Variants in SLIT1 observed in about 807,000 individuals in gnomAD.
SLIT1 encodes the protein slit guidance ligand 1, also known as slit homolog 1 protein.
SLIT1 carries 66 observed loss-of-function variants against 186.1 expected under a neutral mutation model. The ratio of observed to expected loss-of-function variants is 0.35; its 90% CI spans 0.29 to 0.44. The LOEUF (loss-of-function observed/expected upper bound fraction) is 0.44, where lower values mean the gene tolerates loss of function less well. Among genes scored for constraint, SLIT1 ranks in the 20% least tolerant of loss-of-function variants. SLIT1 has a pLI of 1.00. For missense variants in SLIT1, 1,638 were observed against 2,037.4 expected, an observed-to-expected ratio of 0.80 and a Z score of 3.77; for synonymous variants, 761 against 833.8, an observed-to-expected ratio of 0.91 and a Z score of 1.50.
At chr10:97,128,946 G>A (rs758307968) in intron 4 of SLIT1, among the ~76,000 whole-genome samples, 21 of 152,042 alleles carry the variant, frequency 1.4e-4, no homozygotes, top group Non-Finnish European at 2.6e-4. Context: ...TCTTAGGAAA[G>A]AAAAGTTAGC....
intron 4 of SLIT1, among the ~76,000 whole-genome samples, chr10:97,097,337 T>G (rs1025649838): frequency 2.6e-5 from 4 of 152,248 alleles, no homozygotes; most frequent in Admixed American, 2.6e-4. Context: ...TCTGGCTCAT[T>G]TGGAAACTTC....
Position 97,014,104 on chromosome 10 carries a change from G to C in SLIT1, c.3024C>G (p.Asp1008Glu). 1 of 1,614,038 alleles carries C rather than the reference G, an allele frequency of 6.2e-7. No homozygotes were observed. Among genetic ancestry groups the C allele is most frequent in the Non-Finnish European group, 8.5e-7 (1 of 1,180,012 alleles). ...EGPTCGVNTD[D>E]CVDHACANGG... Reference sequence around the variant, plus strand: ...CATTGGCACAGGCATGATCCACACAGTCATCTGTGTTCACCCCACAGGTTG... The same window carrying C: ...CATTGGCACAGGCATGATCCACACACTCATCTGTGTTCACCCCACAGGTTG... Residue 1008 changes from aspartate (D) to glutamate (E), a missense_variant, in exon 29 of 37, where the codon GAC becomes GAG. By Grantham distance (45) the Asp-to-Glu change is conservative. Around this residue, in one of 3 missense-constraint regions of SLIT1, gnomAD observed 1,245 missense variants for 1,535.3 expected, o/e 0.81. Coordinates refer to ENST00000266058, the MANE Select transcript of SLIT1 (RefSeq NM_003061.3).
intron 28 of SLIT1, among the ~76,000 whole-genome samples, chr10:97,017,690 G>A (rs903547095): frequency 2.0e-5 from 3 of 152,178 alleles, no homozygotes; most frequent in Middle Eastern, 3.2e-3. Flanking sequence ...CCCACCTCTG[G>A]GCAGGCCTCA....
At chr10:97,149,236 G>A (rs949608713) in intron 4 of SLIT1, among the ~76,000 whole-genome samples, 3 of 152,210 alleles carry the variant, frequency 2.0e-5, no homozygotes, top group African/African-American at 7.2e-5. Context: ...ATCTGAGGCC[G>A]GCCGCCCTCT....
chr10:97,108,786 G>C (rs938721545), intron 4 of SLIT1, among the ~76,000 whole-genome samples: 2 of 151,548 alleles, frequency 1.3e-5, no homozygotes, highest in African/African-American at 4.9e-5. Context: ...TAGTCGGGAG[G>C]CTGAGGCAGA....
intron 11 of SLIT1, among the ~76,000 whole-genome samples, 160 bp from the exon 12 acceptor site, chr10:97,057,441 C>G (rs904789987): frequency 6.6e-6 from 1 of 152,294 alleles, no homozygotes; most frequent in Non-Finnish European, 1.5e-5. Flanking sequence ...CCACAGATGA[C>G]AGTAAAGTGT....
chr10:97,033,602 C>A (rs564648891), intron 23 of SLIT1, among the ~76,000 whole-genome samples: 2 of 152,120 alleles, frequency 1.3e-5, no homozygotes, highest in Non-Finnish European at 2.9e-5. Flanking sequence ...ACAGCTGCCA[C>A]GGTGGCATGA....
At chr10:97,039,351 T>C (rs969833096) in intron 21 of SLIT1, among the ~76,000 whole-genome samples, 9 of 152,110 alleles carry the variant, frequency 5.9e-5, no homozygotes, top group Non-Finnish European at 1.0e-4. Context: ...AGATACCAAA[T>C]ACCAATCAGC....
At chr10:97,008,162 T>G (rs1459427713) in intron 31 of SLIT1, among the ~76,000 whole-genome samples, 2 of 152,116 alleles carry the variant, frequency 1.3e-5, no homozygotes, top group African/African-American at 4.8e-5. Context: ...TTAGAATTAA[T>G]GAAATAATTC....
intron 22 of SLIT1, 41 bp downstream of exon 22, chr10:97,037,657 T>C (rs781578313): frequency 1.3e-6 from 2 of 1,518,790 alleles, no homozygotes; most frequent in Non-Finnish European, 1.8e-6. Context: ...GATGGTTAGA[T>C]GCCAAAGGCC....
chr10:97,116,073 G>C (rs1388998998), intron 4 of SLIT1, among the ~76,000 whole-genome samples: 1 of 152,150 alleles, frequency 6.6e-6, no homozygotes, highest in Non-Finnish European at 1.5e-5. Flanking sequence ...TGACCTCTCT[G>C]AGCTTAATGT....
intron 18 of SLIT1, among the ~76,000 whole-genome samples, chr10:97,044,639 G>A (rs1378316673): frequency 2.6e-5 from 4 of 152,064 alleles, no homozygotes. Context: ...ATGACATCCA[G>A]GATCTCTGAG....
Position 97,004,655 on chromosome 10 carries a change from AC to A in SLIT1, c.3710+37del. On this transcript the variant is annotated intron_variant, in intron 33 of 36. Transcript: ENST00000266058. This position sits in a 1 kb window ranked among gnomAD's most constrained non-coding sequence, Gnocchi z 5.1. ...GGAGACCTCGCCCTGGCAGTCCCGT[AC>A]CCCTGAGGGCAGCTGGGGGGCATAA... 5.0e-6 allele frequency: 8 copies of A among 1,613,142 alleles called. No homozygotes were observed. Among genetic ancestry groups the A allele is most frequent in the Non-Finnish European group, 5.1e-6 (6 of 1,179,384 alleles).
chr10:97,043,652 C>T lies in SLIT1; in HGVS notation c.1854-139G>A. On this transcript the variant is annotated intron_variant, in intron 18 of 36. Transcript: ENST00000266058. This position sits in a 1 kb window ranked among gnomAD's most constrained non-coding sequence, Gnocchi z 7.0. ...GAGCCGCAGAGCCAGGAACACGCAC[C>T]AGCCAGGCCCCGGCCAGGTGAGGCG... 1.2e-6 allele frequency: 1 copy of T among 838,036 alleles called. No homozygotes were observed. The highest frequency in any genetic ancestry group is 1.9e-6 in the Non-Finnish European group (1 of 537,248). The allele number at this position is 838,036 out of a possible 1,614,324, so 51.9% of individuals were successfully genotyped here.
chr10:97,119,939 A>ATATATATATATATATATATATATATATG (rs1292491658), intron 4 of SLIT1, among the ~76,000 whole-genome samples: 3 of 136,716 alleles, frequency 2.2e-5, no homozygotes, highest in Non-Finnish European at 4.8e-5. Context: ...ATATATATAT[A>ATATATATATATATATATATATATATATG]TATATATGTA....
At chr10:97,080,893 C>T (rs766446410) in intron 4 of SLIT1, among the ~76,000 whole-genome samples, 2 of 152,238 alleles carry the variant, frequency 1.3e-5, no homozygotes, top group Non-Finnish European at 2.9e-5. Flanking sequence ...TACTCACATG[C>T]TCCCAGCCCG....
chr10:97,119,943 ATATG>A (rs1400798232), intron 4 of SLIT1, among the ~76,000 whole-genome samples: 1 of 135,424 alleles, frequency 7.4e-6, no homozygotes, highest in Non-Finnish European at 1.6e-5. Context: ...ATATATATAT[ATATG>A]TATATGTATA....
At chr10:97,009,852 T>C (rs951451387) in intron 31 of SLIT1, among the ~76,000 whole-genome samples, 3 of 152,204 alleles carry the variant, frequency 2.0e-5, no homozygotes, top group African/African-American at 7.2e-5. Context: ...AAGAAGATAT[T>C]TTTAAATGGC....
intron 1 of SLIT1, among the ~76,000 whole-genome samples, chr10:97,170,365 C>T (rs75126756): frequency 0.095 from 14,488 of 152,252 alleles, 799 homozygotes; most frequent in African/African-American, 0.15. Flanking sequence ...GAATAATGCC[C>T]GGCACACAAT....
Sources: gnomAD v4.1 joint callset for allele counts (sites outside exome capture counted in the v4.1 genomes callset) on GRCh38, gnomAD v4.1.1 for gene constraint, gnomAD v4.1.1 regional missense constraint, Gnocchi (gnomAD v3.1) non-coding constraint, MANE v1.5 for transcripts, NCBI Gene and HGNC (gene_info 2026-07-23, HGNC 2026-07-21) for gene names.